Variants in C9orf153 observed in about 807,000 individuals in gnomAD.
C9orf153 encodes chromosome 9 open reading frame 153.
In C9orf153, 10 loss-of-function variants were observed where a neutral mutation model predicts 9.0. That is an observed-to-expected ratio of 1.11 (90% CI 0.69 to 1.89). The LOEUF is 1.89. C9orf153 is among the 40% of genes most tolerant of loss of function. The pLI, the probability that C9orf153 is intolerant of heterozygous loss-of-function variation, is 0.00. For synonymous variants in C9orf153, 35 were observed against 37.3 expected, an observed-to-expected ratio of 0.94 and a Z score of 0.23; for missense variants, 108 against 111.0, an observed-to-expected ratio of 0.97 and a Z score of 0.12.
chr9:86,222,039 C>T (rs1824216293), intron 3 of C9orf153, among the ~76,000 whole-genome samples: 1 of 152,106 alleles, frequency 6.6e-6, no homozygotes, highest in Admixed American at 6.6e-5. Flanking sequence ...GCACCCGCCA[C>T]CACACCCGGT....
At chr9:86,231,698 T>C (rs939264069) in intron 1 of C9orf153, among the ~76,000 whole-genome samples, 3 of 151,278 alleles carry the variant, frequency 2.0e-5, no homozygotes, top group Non-Finnish European at 4.4e-5. Flanking sequence ...GAGATCACTA[T>C]ATTGATATAC....
chr9:86,235,532 G>A (rs1320794663), intron 1 of C9orf153, among the ~76,000 whole-genome samples: 2 of 150,778 alleles, frequency 1.3e-5, no homozygotes, highest in African/African-American at 2.5e-5. Context: ...CGAGGCGGGT[G>A]GATCATGAGG....
rs1271617081 is a variant in C9orf153, at chr9:86,258,122, T to TC, written c.-27+1427dup. Among the ~76,000 whole-genome samples, 4 of 152,200 alleles carry TC rather than the reference T, an allele frequency of 2.6e-5. No homozygotes were observed. In the East Asian group the frequency reaches 7.8e-4, roughly 30 times the overall value. On this transcript the variant is annotated intron_variant, in intron 1 of 3. Transcript: ENST00000339137. ...ACTTTGGGAGACCAAGGGGAGCAGA[T>TC]CACGGGGTCAGGAGATCAAGACCAT...
intron 1 of C9orf153, among the ~76,000 whole-genome samples, chr9:86,243,851 G>T (rs915058099): frequency 3.9e-5 from 6 of 152,206 alleles, no homozygotes; most frequent in South Asian, 2.1e-4. Flanking sequence ...CTCACAATCA[G>T]TTGGTCTCAC....
intron 3 of C9orf153, among the ~76,000 whole-genome samples, chr9:86,225,964 G>C (rs1035217916): frequency 6.6e-6 from 1 of 152,174 alleles, no homozygotes; most frequent in Non-Finnish European, 1.5e-5. Context: ...AACTTGGCCC[G>C]TATACATGTG....
intron 3 of C9orf153, among the ~76,000 whole-genome samples, chr9:86,223,845 C>T (rs986553696): frequency 1.3e-5 from 2 of 152,160 alleles, no homozygotes; most frequent in African/African-American, 4.8e-5. Flanking sequence ...ATGGCAGAGC[C>T]CAGGTCCTTG....
chr9:86,254,101 A>G (rs2131208691), intron 1 of C9orf153, among the ~76,000 whole-genome samples: 2 of 152,146 alleles, frequency 1.3e-5, no homozygotes, highest in Non-Finnish European at 2.9e-5. Flanking sequence ...AAAAAAAAAA[A>G]AAAAAAAAAG....
At chr9:86,225,764 C>T (rs761442598) in intron 3 of C9orf153, among the ~76,000 whole-genome samples, 3 of 152,126 alleles carry the variant, frequency 2.0e-5, no homozygotes, top group Non-Finnish European at 2.9e-5. Context: ...GGATTATAGG[C>T]GTGAGCCACC....
chr9:86,234,806 T>C (rs534575320), intron 1 of C9orf153, among the ~76,000 whole-genome samples: 1 of 152,326 alleles, frequency 6.6e-6, no homozygotes, highest in South Asian at 2.1e-4. Flanking sequence ...ATCATACATC[T>C]GACAAGGAAC....
chr9:86,237,387 G>A (rs919298940), intron 1 of C9orf153, among the ~76,000 whole-genome samples: 3 of 152,172 alleles, frequency 2.0e-5, no homozygotes, highest in Non-Finnish European at 2.9e-5. Context: ...ATTAGAAACA[G>A]AGAGTGTCAG....
At chr9:86,227,142 T>C (rs1824355147) in intron 3 of C9orf153, among the ~76,000 whole-genome samples, 1 of 152,248 alleles carries the variant, frequency 6.6e-6, no homozygotes, top group Middle Eastern at 3.4e-3. Context: ...ATTTTATTTT[T>C]ATTTTTACTT....
chr9:86,245,911 C>T (rs1447912823), intron 1 of C9orf153, among the ~76,000 whole-genome samples: 1 of 152,092 alleles, frequency 6.6e-6, no homozygotes, highest in African/African-American at 2.4e-5. Flanking sequence ...CCTGCTTTCC[C>T]CTAAAGAATC....
intron 1 of C9orf153, among the ~76,000 whole-genome samples, chr9:86,240,541 C>T (rs1824709677): frequency 6.6e-6 from 1 of 151,634 alleles, no homozygotes; most frequent in African/African-American, 2.4e-5. Context: ...CCACGCCCGG[C>T]TAATGTTTGT....
intron 2 of C9orf153, 121 bp downstream of exon 2, chr9:86,229,417 A>T (rs1001616110): frequency 9.3e-6 from 6 of 645,552 alleles, no homozygotes; most frequent in Non-Finnish European, 1.6e-5. Context: ...CATTAAAGTG[A>T]CATTTTGGAG....
At chr9:86,254,027 G>C (rs1336543265) in intron 1 of C9orf153, among the ~76,000 whole-genome samples, 1 of 150,080 alleles carries the variant, frequency 6.7e-6, no homozygotes, top group Non-Finnish European at 1.5e-5. Context: ...GGAGGCAGAG[G>C]TTGCAGTGAG....
At chr9:86,241,523 A>G (rs1422505431) in intron 1 of C9orf153, among the ~76,000 whole-genome samples, 1 of 152,232 alleles carries the variant, frequency 6.6e-6, no homozygotes, top group African/African-American at 2.4e-5. Context: ...TGAGGCATGT[A>G]TTACAGGACG....
At chr9:86,225,429 C>G (rs1482918552) in intron 3 of C9orf153, among the ~76,000 whole-genome samples, 1 of 146,886 alleles carries the variant, frequency 6.8e-6, no homozygotes, top group Non-Finnish European at 1.5e-5. Flanking sequence ...TTCCTTCCTT[C>G]CTTCCTTCCT....
In C9orf153 at chr9:86,229,550, A is replaced by G. The variant is rs1410113302; in HGVS notation, c.54T>C (p.Leu18=). The change falls in exon 2 of 4, where the codon CTT becomes CTC. Residue 18 remains leucine, a synonymous_variant. Coordinates refer to ENST00000339137, the MANE Select transcript of C9orf153 (RefSeq NM_001276366.4). ...GTTAAGTACATACTGAACATTGAGG[A>G]AGGGTGGCTTCTCTATTGTCCTCAG... is the stretch of plus-strand genomic sequence containing the variant. The part of the protein sequence containing the change: ...SPAEDNREAT[L]PQCSLPELYA... 7 of 1,610,096 alleles carry G rather than the reference A, an allele frequency of 4.3e-6. No individual in the cohort carries two copies. The Admixed American group carries it at 1.0e-4, about 23-fold the overall frequency.
chr9:86,231,695 C>T (rs1277556906), intron 1 of C9orf153, among the ~76,000 whole-genome samples: 2 of 148,322 alleles, frequency 1.3e-5, no homozygotes, highest in Admixed American at 6.6e-5. Context: ...ACTGAGATCA[C>T]TATATTGATA....
Sources: gnomAD v4.1 joint callset for allele counts (sites outside exome capture counted in the v4.1 genomes callset) on GRCh38, gnomAD v4.1.1 for gene constraint, MANE v1.5 for transcripts, NCBI Gene and HGNC (gene_info 2026-07-23, HGNC 2026-07-21) for gene names.